Variants in POU2F1 observed in about 807,000 individuals in gnomAD.
The protein encoded by POU2F1 is POU domain, class 2, transcription factor 1.
In POU2F1, 16 loss-of-function variants were observed where a neutral mutation model predicts 84.9. The ratio of observed to expected loss-of-function variants is 0.19; its 90% CI spans 0.13 to 0.29. POU2F1 has a LOEUF of 0.29. Ranked by LOEUF, POU2F1 falls within the 10% of genes least tolerant of loss-of-function variation. The pLI, the probability that POU2F1 is intolerant of heterozygous loss-of-function variation, is 1.00. For synonymous variants in POU2F1, 368 were observed against 368.3 expected, an observed-to-expected ratio of 1.00 and a Z score of 0.01; for missense variants, 738 against 942.6, an observed-to-expected ratio of 0.78 and a Z score of 2.84.
intron 7 of POU2F1, chr1:167,380,347 A>T (rs190575269): frequency 9.8e-5 from 15 of 152,342 alleles, no homozygotes; most frequent in Admixed American, 3.9e-4. Context: ...ACCTTTCTAA[A>T]TCTTTGCTGC....
intron 1 of POU2F1, among the ~76,000 whole-genome samples, chr1:167,253,430 A>G (rs2102410276): frequency 7.1e-6 from 1 of 141,214 alleles, no homozygotes. Flanking sequence ...TAATTGGTTA[A>G]TGGGTTTTTT....
At chr1:167,399,044 C>T in intron 11 of POU2F1, 142 bp from the exon 12 acceptor site, 1 of 651,324 alleles carries the variant, frequency 1.5e-6, no homozygotes, top group Non-Finnish European at 2.5e-6. Flanking sequence ...CTTCTATCTA[C>T]ACAATCTCTT....
intron 1 of POU2F1, among the ~76,000 whole-genome samples, chr1:167,235,048 C>A (rs1649347881): frequency 6.6e-6 from 1 of 152,162 alleles, no homozygotes; most frequent in South Asian, 2.1e-4. Context: ...GTTGAGGAAA[C>A]ATGACGGTTG....
In POU2F1 at chr1:167,416,406, T is replaced by TTA. The variant is rs1650325734; in HGVS notation, c.*605_*606dup. ...TATTATTGTTGTTGTTGTTATTGTT[T>TTA]TATATATATAGTTTGGACATGTTTA... On this transcript the variant is annotated 3_prime_UTR_variant, in exon 16 of 16. Coordinates refer to ENST00000367866, the MANE Select transcript of POU2F1 (RefSeq NM_002697.4). 2.2e-5 allele frequency: 4 copies of TTA among 182,428 alleles called. No individual in the cohort carries two copies. The highest frequency in any genetic ancestry group is 4.6e-5 in the Non-Finnish European group (4 of 87,672). The allele number at this position is 182,428 out of a possible 1,614,324, so 11.3% of individuals were successfully genotyped here. A position where few individuals can be genotyped will look rare whatever the true frequency, so the allele number is the denominator to read the frequency against.
At chr1:167,326,724 T>C (rs1656731739) in intron 1 of POU2F1, among the ~76,000 whole-genome samples, 2 of 152,138 alleles carry the variant, frequency 1.3e-5, no homozygotes, top group South Asian at 4.1e-4. Flanking sequence ...GGGACTCCCT[T>C]AGCCTGAGGA....
chr1:167,398,446 A>G (rs776050171), intron 11 of POU2F1, among the ~76,000 whole-genome samples: 4 of 152,154 alleles, frequency 2.6e-5, no homozygotes, highest in Non-Finnish European at 5.9e-5. Context: ...GAGGAAATGC[A>G]TGAGCGTTTC....
intron 2 of POU2F1, among the ~76,000 whole-genome samples, chr1:167,353,809 T>C (rs113843820): frequency 3.3e-5 from 5 of 152,364 alleles, no homozygotes; most frequent in African/African-American, 1.2e-4. Flanking sequence ...TCTACCACTG[T>C]GGCCATAAAG....
At chr1:167,232,162 A>T (rs927703325) in intron 1 of POU2F1, among the ~76,000 whole-genome samples, 1 of 152,164 alleles carries the variant, frequency 6.6e-6, no homozygotes, top group African/African-American at 2.4e-5. Context: ...TTTAATTTGC[A>T]TGTGATTGAA....
chr1:167,285,148 A>G (rs749578657), intron 1 of POU2F1, among the ~76,000 whole-genome samples: 1 of 152,186 alleles, frequency 6.6e-6, no homozygotes. Context: ...ATCAGCCTGA[A>G]TCTTCTTTCC....
intron 13 of POU2F1, among the ~76,000 whole-genome samples, chr1:167,403,072 T>C (rs958925087): frequency 6.6e-6 from 1 of 152,250 alleles, no homozygotes; most frequent in African/African-American, 2.4e-5. Context: ...TTGATACTTC[T>C]TACCACTCAC....
intron 1 of POU2F1, among the ~76,000 whole-genome samples, chr1:167,300,982 C>G (rs913183911): frequency 6.6e-6 from 1 of 151,988 alleles, no homozygotes; most frequent in African/African-American, 2.4e-5. Flanking sequence ...GTTGGCCAGG[C>G]TGGTCTTGAA....
chr1:167,237,772 A>ATTTTTTTTT (rs1216931950), intron 1 of POU2F1, among the ~76,000 whole-genome samples: 6 of 29,930 alleles, frequency 2.0e-4, no homozygotes, highest in African/African-American at 7.5e-4. Context: ...ATATATATAT[A>ATTTTTTTTT]TTTTTTTTTT....
intron 2 of POU2F1, among the ~76,000 whole-genome samples, chr1:167,347,349 C>G (rs149655851): frequency 1.8e-4 from 27 of 152,208 alleles, no homozygotes; most frequent in South Asian, 2.1e-4. Flanking sequence ...ATTTCTCAGG[C>G]CCTTATTCAA....
At chr1:167,383,052 C>T (rs1647682376) in intron 7 of POU2F1, among the ~76,000 whole-genome samples, 1 of 152,132 alleles carries the variant, frequency 6.6e-6, no homozygotes, top group Non-Finnish European at 1.5e-5. Flanking sequence ...GGTAAAATCC[C>T]TTTTGTTTGG....
intron 1 of POU2F1, among the ~76,000 whole-genome samples, chr1:167,274,170 A>AG (rs1652561700): frequency 6.6e-6 from 1 of 152,224 alleles, no homozygotes; most frequent in Admixed American, 6.5e-5. Context: ...TACTCTATGC[A>AG]GAACTTTTTG....
chr1:167,304,393 A>G (rs1654919394), intron 1 of POU2F1, among the ~76,000 whole-genome samples: 1 of 152,220 alleles, frequency 6.6e-6, no homozygotes. Context: ...GCAGTCATAT[A>G]GCTCAATATG....
Position 167,415,929 on chromosome 1 carries a change from G to GAAAAA in POU2F1, c.*119_*120insAAAAA. 1 of 800,830 alleles carries GAAAAA rather than the reference G, an allele frequency of 1.2e-6. No individual in the cohort carries two copies. Among genetic ancestry groups the GAAAAA allele is most frequent in the Non-Finnish European group, 1.9e-6 (1 of 537,084 alleles). 49.6% of individuals were successfully genotyped at this position (800,830 alleles called of 1,614,324 possible). A position where few individuals can be genotyped will look rare whatever the true frequency, so the allele number is the denominator to read the frequency against. ...CCTCTCGCCGTGTTGTGAGGGCAAA[G>GAAAAA]GAGAGAAGGGAGAAAAAAAAAAAAA... is the stretch of plus-strand genomic sequence containing the variant. On this transcript the variant is annotated 3_prime_UTR_variant, in exon 16 of 16. Transcript: ENST00000367866.
At chr1:167,285,660 A>G (rs995290705) in intron 1 of POU2F1, among the ~76,000 whole-genome samples, 11 of 152,190 alleles carry the variant, frequency 7.2e-5, no homozygotes, top group Admixed American at 5.2e-4. Context: ...TTAAAGGGAT[A>G]TCAGAGTTCA....
At chr1:167,354,146 A>G (rs889487681) in intron 2 of POU2F1, among the ~76,000 whole-genome samples, 9 of 152,192 alleles carry the variant, frequency 5.9e-5, no homozygotes, top group Non-Finnish European at 1.2e-4. Context: ...GTATGACTAC[A>G]TTAGAATGTT....
Sources: allele counts gnomAD v4.1 joint callset (sites outside exome capture counted in the v4.1 genomes callset), GRCh38; gene constraint gnomAD v4.1.1; transcripts MANE v1.5; gene names NCBI Gene and HGNC (gene_info 2026-07-23, HGNC 2026-07-21).